Variants in NCKAP1 observed in about 807,000 individuals in gnomAD.
NCKAP1 encodes NCK associated protein 1.
A neutral mutation model predicts 151.2 loss-of-function variants in NCKAP1; 21 were observed. That is an observed-to-expected ratio of 0.14 (90% CI 0.10 to 0.20). NCKAP1 has a LOEUF of 0.20. NCKAP1 is among the 10% of genes least tolerant of loss of function. The pLI, the probability that NCKAP1 is intolerant of heterozygous loss-of-function variation, is 1.00. For missense variants in NCKAP1, 933 were observed against 1,352.1 expected, an observed-to-expected ratio of 0.69 and a Z score of 4.86; for synonymous variants, 484 against 451.8, an observed-to-expected ratio of 1.07 and a Z score of -0.90.
intron 2 of NCKAP1, among the ~76,000 whole-genome samples, chr2:183,006,860 A>G (rs2105879782): frequency 6.6e-6 from 1 of 152,270 alleles, no homozygotes; most frequent in East Asian, 1.9e-4. Flanking sequence ...GATTCTATTC[A>G]CTACACTAAT....
rs1698382181 is a variant in NCKAP1 at position 183,001,935 on chromosome 2, C to G, written c.603+18G>C. The G allele has an allele frequency of 1.3e-6, 2 of 1,597,426 alleles. No individual in the cohort carries two copies. Among genetic ancestry groups the G allele is most frequent in the Admixed American group, 1.7e-5 (1 of 59,890 alleles). On this transcript the variant is annotated intron_variant, in intron 6 of 30. Transcript: ENST00000361354. ...GTTATATGCCCATTCTCTCATATGC[C>G]TAACAACTGCCTCTTACCTTGCTAT... is the stretch of plus-strand genomic sequence containing the variant.
chr2:182,974,803 A>G (rs936242697), intron 15 of NCKAP1, among the ~76,000 whole-genome samples: 2 of 152,130 alleles, frequency 1.3e-5, no homozygotes, highest in Admixed American at 1.3e-4. Context: ...AAACTAACAC[A>G]AGTAGGTATA....
intron 1 of NCKAP1, among the ~76,000 whole-genome samples, chr2:183,028,905 A>G (rs1241740106): frequency 6.6e-6 from 1 of 151,564 alleles, no homozygotes; most frequent in African/African-American, 2.4e-5. Context: ...CGAGGTCAGG[A>G]GTTCAAGACC....
At chr2:183,018,067 G>A (rs1698727503) in intron 2 of NCKAP1, among the ~76,000 whole-genome samples, 1 of 152,076 alleles carries the variant, frequency 6.6e-6, no homozygotes, top group Non-Finnish European at 1.5e-5. Context: ...TGGCCAGCAT[G>A]GTGAAACCCG....
intron 24 of NCKAP1, among the ~76,000 whole-genome samples, chr2:182,937,300 A>T (rs116022256): frequency 1.6e-3 from 248 of 152,240 alleles, no homozygotes; most frequent in African/African-American, 5.4e-3. Context: ...GTTCTAAGAT[A>T]CTTCACAGTA....
chr2:182,965,777 C>T (rs577522025), intron 16 of NCKAP1, among the ~76,000 whole-genome samples: 13 of 152,240 alleles, frequency 8.5e-5, no homozygotes, highest in Admixed American at 6.5e-4. Flanking sequence ...GGAATAGGAT[C>T]CTTTGCATAG....
At chr2:182,954,193 A>C (rs774007046) in intron 20 of NCKAP1, among the ~76,000 whole-genome samples, 10 of 152,348 alleles carry the variant, frequency 6.6e-5, no homozygotes, top group Middle Eastern at 3.4e-3. Flanking sequence ...CCTCTAAACA[A>C]ACTGTATGAC....
chr2:183,001,849 C>T, intron 6 of NCKAP1, 104 bp downstream of exon 6: 2 of 891,950 alleles, frequency 2.2e-6, no homozygotes, highest in Non-Finnish European at 1.8e-6. Flanking sequence ...ACTTATATCC[C>T]ATTATAGTAT....
In NCKAP1 at chr2:182,918,041, T is replaced by C. The variant is rs1476466882; in HGVS notation, c.*7661A>G. 1 of 152,196 alleles carries C rather than the reference T, an allele frequency of 6.6e-6. No homozygotes were observed. The highest frequency in any genetic ancestry group is 2.4e-5 in the African/African-American group (1 of 41,450). The allele number at this position is 152,196 out of a possible 1,614,324, so 9.4% of individuals were successfully genotyped here. A position where few individuals can be genotyped will look rare whatever the true frequency, so the allele number is the denominator to read the frequency against. On this transcript the variant is annotated 3_prime_UTR_variant, in exon 31 of 31. Coordinates refer to ENST00000361354, the MANE Select transcript of NCKAP1 (RefSeq NM_013436.5). ...TAGAAAAAATATGGGCTGGAAATCC[T>C]AGAGCCTTAGGTTTTAATCTCAGCA...
intron 17 of NCKAP1, among the ~76,000 whole-genome samples, chr2:182,963,648 T>C (rs1262562478): frequency 1.3e-5 from 2 of 152,048 alleles, no homozygotes; most frequent in African/African-American, 4.8e-5. Flanking sequence ...CAATGGAAAG[T>C]AGAGGATGGA....
chr2:183,031,317 T>A (rs1699000042), intron 1 of NCKAP1, among the ~76,000 whole-genome samples: 1 of 152,234 alleles, frequency 6.6e-6, no homozygotes, highest in East Asian at 1.9e-4. Context: ...TTAAACAGTT[T>A]TCAGCTTCCA....
At position 182,916,719 on chromosome 2, in the gene NCKAP1, G is replaced by C. The variant is rs1349778621; in HGVS notation, c.*8983C>G. ...AAGAGCAATTGTCGCAATTGTTCTG[G>C]ATACTGCAATAACATTTGAAAATAC... On this transcript the variant is annotated 3_prime_UTR_variant, in exon 31 of 31. Transcript: ENST00000361354. 2.6e-5 allele frequency: 4 copies of C among 152,142 alleles called. No individual in the cohort carries two copies. 9.4% of individuals were successfully genotyped at this position (152,142 alleles called of 1,614,324 possible).
chr2:182,994,699 A>C, intron 8 of NCKAP1, 140 bp downstream of exon 8: 1 of 674,842 alleles, frequency 1.5e-6, no homozygotes, highest in East Asian at 2.8e-5. Flanking sequence ...TGATAGGATC[A>C]ATATGAGGAC....
intron 1 of NCKAP1, among the ~76,000 whole-genome samples, chr2:183,026,912 G>C (rs2105896621): frequency 6.6e-6 from 1 of 152,264 alleles, no homozygotes; most frequent in Non-Finnish European, 1.5e-5. Flanking sequence ...AATATGAATA[G>C]TAATCATAGT....
At chr2:183,020,936 A>G (rs1315768914) in intron 2 of NCKAP1, among the ~76,000 whole-genome samples, 1 of 152,206 alleles carries the variant, frequency 6.6e-6, no homozygotes, top group Non-Finnish European at 1.5e-5. Flanking sequence ...TATATGCCCA[A>G]TACATAGTAC....
chr2:182,914,255 T>G lies in NCKAP1; in HGVS notation c.*11447A>C, dbSNP rs1265253094. 2 of 152,260 alleles carry G rather than the reference T, an allele frequency of 1.3e-5. No homozygotes were observed. The highest frequency in any genetic ancestry group is 4.8e-5 in the African/African-American group (2 of 41,474). The allele number at this position is 152,260 out of a possible 1,614,324, so 9.4% of individuals were successfully genotyped here. A position where few individuals can be genotyped will look rare whatever the true frequency, so the allele number is the denominator to read the frequency against. On this transcript the variant is annotated 3_prime_UTR_variant, in exon 31 of 31. Coordinates refer to ENST00000361354, the MANE Select transcript of NCKAP1 (RefSeq NM_013436.5). ...AGCACATAGTAGGTATTTTAAAAAC[T>G]ATATTCATTGAACTGATGTTAGGAT...
Position 182,952,927 on chromosome 2 carries a change from A to C in NCKAP1, c.2373-4T>G. 1 of 1,607,674 alleles carries C rather than the reference A, an allele frequency of 6.2e-7. No individual in the cohort carries two copies. Among genetic ancestry groups the C allele is most frequent in the Non-Finnish European group, 8.5e-7 (1 of 1,177,928 alleles). On this transcript the variant is annotated splice_polypyrimidine_tract_variant and splice_region_variant and intron_variant, in intron 21 of 30. Coordinates refer to ENST00000361354, the MANE Select transcript of NCKAP1 (RefSeq NM_013436.5). ...TCGTAACAAAGTTTCCAAATACCTA[A>C]GGAGAAACGTAAACTTATAACCGGA...
intron 1 of NCKAP1, among the ~76,000 whole-genome samples, chr2:183,037,674 G>T (rs918952978): frequency 6.6e-6 from 1 of 152,172 alleles, no homozygotes; most frequent in Non-Finnish European, 1.5e-5. Context: ...CATCATGGGG[G>T]CGGGGGCGCC....
intron 17 of NCKAP1, among the ~76,000 whole-genome samples, chr2:182,963,105 G>C (rs1008244489): frequency 1.3e-5 from 2 of 151,774 alleles, no homozygotes; most frequent in African/African-American, 4.8e-5. Flanking sequence ...AAAAATACTT[G>C]AGCATAGAAA....
Sources: allele counts gnomAD v4.1 joint callset (sites outside exome capture counted in the v4.1 genomes callset), GRCh38; gene constraint gnomAD v4.1.1; transcripts MANE v1.5; gene names NCBI Gene and HGNC (gene_info 2026-07-23, HGNC 2026-07-21).